FBXO17: variants seen among roughly 807,000 people sequenced by gnomAD.
FBXO17 encodes F-box protein 17.
In FBXO17, 43 loss-of-function variants were observed where a neutral mutation model predicts 34.1. That is an observed-to-expected ratio of 1.26 (90% confidence interval 0.99 to 1.62). The LOEUF is 1.62. Among genes scored for constraint, FBXO17 ranks in the 40% most tolerant of loss-of-function variants. FBXO17 has a pLI of 0.00. For missense variants in FBXO17, 424 were observed against 386.7 expected, an observed-to-expected ratio of 1.10 and a Z score of -0.81; for synonymous variants, 169 against 166.0, an observed-to-expected ratio of 1.02 and a Z score of -0.14.
At chr19:38,951,366 G>A (rs1039313754) in intron 1 of FBXO17, among the ~76,000 whole-genome samples, 2 of 150,948 alleles carry the variant, frequency 1.3e-5, no homozygotes, top group Non-Finnish European at 2.9e-5. Flanking sequence ...GTAGAGATGG[G>A]GTCTCACTAC....
chr19:38,950,556 C>T (rs1975068426), intron 1 of FBXO17, among the ~76,000 whole-genome samples: 1 of 152,238 alleles, frequency 6.6e-6, no homozygotes, highest in Non-Finnish European at 1.5e-5. Context: ...GACCGCTGAT[C>T]ACGGCTTCCG....
chr19:38,969,881 A>G (rs908191951), intron 1 of FBXO17, among the ~76,000 whole-genome samples: 1 of 151,988 alleles, frequency 6.6e-6, no homozygotes, highest in Non-Finnish European at 1.5e-5. Context: ...TATAGGCATG[A>G]GCCATTGTGC....
At chr19:38,958,551 T>C (rs2144829924) in intron 1 of FBXO17, among the ~76,000 whole-genome samples, 1 of 152,182 alleles carries the variant, frequency 6.6e-6, no homozygotes, top group South Asian at 2.1e-4. Context: ...ACTGCAAGAT[T>C]GAATGCCAAC....
chr19:38,950,084 T>G lies in FBXO17; in HGVS notation c.236A>C (p.Gln79Pro). 1 of 1,567,380 alleles carries G rather than the reference T, an allele frequency of 6.4e-7. No homozygotes were observed. The highest frequency in any genetic ancestry group is 8.6e-7 in the Non-Finnish European group (1 of 1,157,940). Residue 79 changes from glutamine (Q) to proline (P), a missense_variant, in exon 2 of 6, where the codon CAA (glutamine) becomes CCA (proline). Coordinates refer to ENST00000292852, the MANE Select transcript of FBXO17 (RefSeq NM_024907.7). ...AEGRALYAVAQRCLPSNEDKE... is the reference protein window; with the variant it reads ...AEGRALYAVAPRCLPSNEDKE... Reference sequence around the variant, plus strand: ...GTCTTCGTTGCTGGGCAGGCAGCGTTGAGCCACTGCGTAGAGTGCGCGGCC... The same window carrying G: ...GTCTTCGTTGCTGGGCAGGCAGCGTGGAGCCACTGCGTAGAGTGCGCGGCC...
chr19:38,969,438 C>CAA (rs771872488), intron 1 of FBXO17, among the ~76,000 whole-genome samples: 1 of 69,878 alleles, frequency 1.4e-5, no homozygotes, highest in African/African-American at 5.5e-5. Context: ...ACTCCATCTC[C>CAA]AAAAAAAAAA....
Position 38,945,093 on chromosome 19 carries a change from C to T in FBXO17, c.569G>A (p.Arg190Gln), listed in dbSNP as rs553860381. 33 of 1,614,104 alleles carry T rather than the reference C, an allele frequency of 2.0e-5. No individual in the cohort carries two copies. The South Asian group carries it at 2.9e-4, about 14-fold the overall frequency. The change falls in exon 5 of 6, where the codon CGA becomes CAA. Residue 190 changes from arginine (R) to glutamine (Q), a missense_variant. Arg to Gln is a conservative substitution (Grantham distance 43). Coordinates refer to ENST00000292852, the MANE Select transcript of FBXO17 (RefSeq NM_024907.7). ...EICVADWWGA[R>Q]ENCGCVYQLR... Reference sequence around the variant, plus strand: ...CTGGTAGACGCAGCCGCAGTTCTCTCGAGCGCCCCACCTGCCAGGCAGCAG... The same window carrying T: ...CTGGTAGACGCAGCCGCAGTTCTCTTGAGCGCCCCACCTGCCAGGCAGCAG...
intron 1 of FBXO17, chr19:38,952,567 C>T (rs762988987): frequency 3.7e-6 from 2 of 534,540 alleles, no homozygotes; most frequent in Admixed American, 3.9e-5. Context: ...TGAATCTCAT[C>T]ACTACCTTGC....
intron 1 of FBXO17, among the ~76,000 whole-genome samples, chr19:38,956,265 CAA>C (rs374424636): frequency 1.4e-4 from 16 of 112,480 alleles, no homozygotes; most frequent in Non-Finnish European, 1.3e-4. Flanking sequence ...GACTCTGTCT[CAA>C]AAAAAAAAAA....
chr19:38,973,841 G>T lies in FBXO17; in HGVS notation c.-18+1745C>A, dbSNP rs796615510. 9.9e-5 allele frequency among the ~76,000 whole-genome samples: 15 copies of T among 151,250 alleles called. No individual in the cohort carries two copies. In the South Asian group the frequency reaches 3.1e-3, roughly 32 times the overall value. ...AAAAATAAAAAAATTAGTGGGGTTT[G>T]GTGGGGGGGCGTGCACCTGTAGCCC... is the stretch of plus-strand genomic sequence containing the variant. On this transcript the variant is annotated intron_variant, in intron 1 of 5. Transcript: ENST00000292852.
intron 1 of FBXO17, among the ~76,000 whole-genome samples, chr19:38,957,635 C>CA (rs1185173906): frequency 1.7e-4 from 26 of 151,938 alleles, no homozygotes; most frequent in Non-Finnish European, 2.9e-4. Context: ...TGAGCCACTG[C>CA]GCCCGGCAGT....
At chr19:38,972,458 T>C (rs1975401944) in intron 1 of FBXO17, among the ~76,000 whole-genome samples, 3 of 150,860 alleles carry the variant, frequency 2.0e-5, no homozygotes, top group Admixed American at 1.3e-4. Context: ...GGCAGGAGAA[T>C]TGCTTGAACC....
chr19:38,949,809 C>T (rs1426668256), intron 2 of FBXO17, 162 bp downstream of exon 2: 3 of 894,864 alleles, frequency 3.4e-6, no homozygotes, highest in South Asian at 1.8e-5. Context: ...CCAGCCCCGC[C>T]CACCGGGCCT....
chr19:38,944,998 GGACCGGGTCAGGTGAGGCTGA>G lies in FBXO17; in HGVS notation c.643_663del (p.Ser215_Val221del), dbSNP rs754357243. 86 of 1,614,114 alleles carry G rather than the reference GGACCGGGTCAGGTGAGGCTGA, an allele frequency of 5.3e-5. No individual in the cohort carries two copies. The highest frequency in any genetic ancestry group is 7.0e-5 in the Non-Finnish European group (83 of 1,180,058). ...CGGCAGCCCCTCTCAGTCCACTGAA[GGACCGGGTCAGGTGAGGCTGA>G]GAACTTGACCACTTCCTTTTCATAC... On this transcript the variant is annotated inframe_deletion, in exon 5 of 6. Transcript: ENST00000292852.
intron 1 of FBXO17, among the ~76,000 whole-genome samples, chr19:38,969,588 CTTTTTTTTTTTTT>C (rs67681512): frequency 9.7e-5 from 10 of 103,538 alleles, no homozygotes; most frequent in East Asian, 6.9e-4. Context: ...AACCACTGGG[CTTTTTTTTTTTTT>C]TTTTTTTTTT....
chr19:38,957,596 G>A (rs1346038032), intron 1 of FBXO17, among the ~76,000 whole-genome samples: 2 of 152,108 alleles, frequency 1.3e-5, no homozygotes, highest in African/African-American at 2.4e-5. Flanking sequence ...CGCCCGCCTA[G>A]GCCTCCCAAA....
rs1975019274 is a variant in FBXO17, at chr19:38,948,458, A to AT, written c.461+108dup. 1.9e-5 allele frequency: 14 copies of AT among 748,558 alleles called. No individual in the cohort carries two copies. The East Asian group carries it at 3.7e-4, about 20-fold the overall frequency. The allele number at this position is 748,558 out of a possible 1,614,324, so 46.4% of individuals were successfully genotyped here. ...ATGGAATGAATCAATGAATAAATAAATGGGGGAAGGAGAGGGTGAAGGTGA... is the reference window on the plus strand; with the variant it reads ...ATGGAATGAATCAATGAATAAATAAATTGGGGGAAGGAGAGGGTGAAGGTGA... On this transcript the variant is annotated intron_variant, in intron 3 of 5. Transcript: ENST00000292852.
intron 1 of FBXO17, among the ~76,000 whole-genome samples, chr19:38,963,211 A>T (rs549011166): frequency 1.1e-3 from 160 of 152,076 alleles, no homozygotes; most frequent in African/African-American, 3.6e-3. Flanking sequence ...ACAGTGGCTC[A>T]TGCCTGTAAT....
At chr19:38,973,955 C>A (rs1975423532) in intron 1 of FBXO17, among the ~76,000 whole-genome samples, 1 of 150,134 alleles carries the variant, frequency 6.7e-6, no homozygotes, top group Admixed American at 6.7e-5. Context: ...TGTACTCCAG[C>A]CTGGGCAACA....
At chr19:38,962,150 G>A (rs868083155) in intron 1 of FBXO17, among the ~76,000 whole-genome samples, 1 of 141,616 alleles carries the variant, frequency 7.1e-6, no homozygotes, top group Non-Finnish European at 1.5e-5. Context: ...GGTGGCTTAC[G>A]CCTGCCTCCT....
Sources: allele counts gnomAD v4.1 joint callset (sites outside exome capture counted in the v4.1 genomes callset), GRCh38; gene constraint gnomAD v4.1.1; transcripts MANE v1.5; gene names NCBI Gene and HGNC (gene_info 2026-07-23, HGNC 2026-07-21).